The following SNTB1 variants were observed in gnomAD, a reference collection of about 807,000 sequenced individuals.
The protein encoded by SNTB1 is beta-1-syntrophin.
Under a neutral mutation model 48.9 loss-of-function variants are expected in SNTB1, and 36 were observed. The observed-to-expected ratio is 0.74, with a 90% CI of 0.56 to 0.97. The LOEUF (loss-of-function observed/expected upper bound fraction) is 0.97. SNTB1 is among the 50% of genes least tolerant of loss of function. The probability of loss-of-function intolerance (pLI) is 0.00; values close to 1 mark genes in which losing one functional copy is unlikely to be tolerated. For missense variants in SNTB1, 786 were observed against 703.4 expected (o/e 1.12, Z -1.33); for synonymous variants, 299 against 294.6 (o/e 1.01, Z -0.15).
chr8:120,750,927 T>C (rs4871120), intron 1 of SNTB1, among the ~76,000 whole-genome samples: 19,686 of 151,938 alleles, frequency 0.13, 1,640 homozygotes, highest in African/African-American at 0.23. Flanking sequence ...TCTGGATATA[T>C]TACAATTCAG....
intron 3 of SNTB1, among the ~76,000 whole-genome samples, chr8:120,623,566 T>C (rs115440203): frequency 0.02 from 3,050 of 152,310 alleles, 97 homozygotes; most frequent in African/African-American, 0.071. Context: ...CCCAATGTGG[T>C]CCTGCACGGC....
At chr8:120,643,264 T>C (rs1432171441) in intron 2 of SNTB1, among the ~76,000 whole-genome samples, 2 of 152,230 alleles carry the variant, frequency 1.3e-5, no homozygotes, top group Admixed American at 6.5e-5. Context: ...TTTGTTGTTA[T>C]TGTTTCTCTG....
intron 4 of SNTB1, among the ~76,000 whole-genome samples, chr8:120,564,169 C>T (rs1457652964): frequency 6.6e-6 from 1 of 151,774 alleles, no homozygotes; most frequent in Non-Finnish European, 1.5e-5. Context: ...GTGCCTCTTT[C>T]CACCCAATTC....
At chr8:120,539,833 A>G (rs1402245263) in intron 6 of SNTB1, among the ~76,000 whole-genome samples, 1 of 152,188 alleles carries the variant, frequency 6.6e-6, no homozygotes, top group African/African-American at 2.4e-5. Context: ...AATATCTTCT[A>G]TCCACTATCT....
chr8:120,685,248 G>T (rs1296093592), intron 2 of SNTB1, among the ~76,000 whole-genome samples: 1 of 152,192 alleles, frequency 6.6e-6, no homozygotes, highest in East Asian at 1.9e-4. Context: ...TGATGATGCT[G>T]GCCTCACAGC....
chr8:120,732,060 T>C (rs908838055), intron 1 of SNTB1, among the ~76,000 whole-genome samples: 4 of 152,080 alleles, frequency 2.6e-5, no homozygotes, highest in African/African-American at 9.7e-5. Flanking sequence ...TCCATGAGGG[T>C]ATGAAAATTA....
chr8:120,646,871 ACT>A (rs1817306465), intron 2 of SNTB1, among the ~76,000 whole-genome samples: 2 of 151,906 alleles, frequency 1.3e-5, no homozygotes, highest in Non-Finnish European at 2.9e-5. Flanking sequence ...CAGAGATTCA[ACT>A]TCTTCCTGGT....
rs1157505407 is a variant in SNTB1 at position 120,537,002 on chromosome 8, T to C, written c.*1875A>G. 6.6e-6 allele frequency: 1 copy of C among 152,178 alleles called. No homozygotes were observed. Among genetic ancestry groups the C allele is most frequent in the Non-Finnish European group, 1.5e-5 (1 of 67,976 alleles). 9.4% of individuals were successfully genotyped at this position (152,178 alleles called of 1,614,324 possible). On this transcript the variant is annotated 3_prime_UTR_variant, in exon 7 of 7. Transcript: ENST00000517992. ...CAACATTCCAGTGATTTTGAAAATA[T>C]ATAGTGAAAGAGTGCAATATAATTT...
chr8:120,784,396 T>A (rs1462747901), intron 1 of SNTB1, among the ~76,000 whole-genome samples: 2 of 151,908 alleles, frequency 1.3e-5, no homozygotes, highest in Non-Finnish European at 2.9e-5. Context: ...CTATACTAGA[T>A]CTCCTATAAT....
chr8:120,655,048 T>C lies in SNTB1; in HGVS notation c.789-22397A>G, dbSNP rs1261729727. The C allele has an allele frequency of 2.9e-5, 13 of 451,596 alleles. No individual in the cohort carries two copies. In the Admixed American group the frequency reaches 2.9e-4, roughly 10 times the overall value. The allele number at this position is 451,596 out of a possible 1,614,324, so 28.0% of individuals were successfully genotyped here. A position where few individuals can be genotyped will look rare whatever the true frequency, so the allele number is the denominator to read the frequency against. Reference sequence around the variant, plus strand: ...GATTCCTATGGCTGATGAAAAATACTTCTCAACAGACAAATAAATAACAGT... The same window carrying C: ...GATTCCTATGGCTGATGAAAAATACCTCTCAACAGACAAATAAATAACAGT... On this transcript the variant is annotated intron_variant, in intron 2 of 6. Coordinates refer to ENST00000517992, the MANE Select transcript of SNTB1 (RefSeq NM_021021.4).
chr8:120,576,226 G>A (rs1815948784), intron 3 of SNTB1, among the ~76,000 whole-genome samples: 1 of 152,194 alleles, frequency 6.6e-6, no homozygotes, highest in African/African-American at 2.4e-5. Context: ...TGCTCCAGAT[G>A]AGGTTAAGAT....
intron 2 of SNTB1, among the ~76,000 whole-genome samples, chr8:120,651,262 C>T (rs528046123): frequency 6.6e-6 from 1 of 152,174 alleles, no homozygotes; most frequent in Non-Finnish European, 1.5e-5. Flanking sequence ...AAAGGTTATA[C>T]AAAGGCTCTT....
rs144220369 is a variant in SNTB1 at position 120,553,409 on chromosome 8, T to C, written c.1137-4451A>G. ...GTAAACTCTGAGATAAAGCAAATTG[T>C]CTTTTCACTACCTGGTGGGTATGCT... On this transcript the variant is annotated intron_variant, in intron 4 of 6. Coordinates refer to ENST00000517992, the MANE Select transcript of SNTB1 (RefSeq NM_021021.4). Among the ~76,000 whole-genome samples the C allele has an allele frequency of 2.3e-3, 355 of 152,312 alleles. 3 individuals are homozygous for C. The highest frequency in any genetic ancestry group is 8.3e-3 in the African/African-American group (345 of 41,584).
At chr8:120,554,484 T>C (rs1412146957) in intron 4 of SNTB1, among the ~76,000 whole-genome samples, 1 of 152,190 alleles carries the variant, frequency 6.6e-6, no homozygotes, top group Admixed American at 6.5e-5. Context: ...TGTGATTGGT[T>C]TTGACCTGCG....
intron 2 of SNTB1, among the ~76,000 whole-genome samples, chr8:120,688,438 T>G (rs1436900366): frequency 6.6e-6 from 1 of 152,204 alleles, no homozygotes; most frequent in East Asian, 1.9e-4. Flanking sequence ...TTATCATTTA[T>G]GAACGAAAAT....
intron 1 of SNTB1, among the ~76,000 whole-genome samples, 196 bp downstream of exon 1, chr8:120,811,077 C>T (rs998004717): frequency 1.7e-4 from 26 of 152,146 alleles, no homozygotes; most frequent in African/African-American, 5.8e-4. Context: ...CAAATTGCCC[C>T]CAGGGTGGGT....
chr8:120,693,358 C>G (rs554208121), intron 2 of SNTB1, among the ~76,000 whole-genome samples: 37 of 152,216 alleles, frequency 2.4e-4, no homozygotes, highest in African/African-American at 8.7e-4. Context: ...TCAATTATTC[C>G]CATCTTAGAG....
At chr8:120,634,188 A>C (rs1443927674) in intron 2 of SNTB1, among the ~76,000 whole-genome samples, 1 of 152,230 alleles carries the variant, frequency 6.6e-6, no homozygotes, top group Non-Finnish European at 1.5e-5. Context: ...ATATGCAATA[A>C]ATATCATTTA....
At chr8:120,567,764 T>A (rs1815777630) in intron 4 of SNTB1, among the ~76,000 whole-genome samples, 1 of 150,938 alleles carries the variant, frequency 6.6e-6, no homozygotes, top group African/African-American at 2.5e-5. Flanking sequence ...CCAAGGTGAT[T>A]AGTTAGTAGA....
Sources: allele counts gnomAD v4.1 joint callset (sites outside exome capture counted in the v4.1 genomes callset), GRCh38; gene constraint gnomAD v4.1.1; transcripts MANE v1.5; gene names NCBI Gene and HGNC (gene_info 2026-07-23, HGNC 2026-07-21).